FAM135A: variants seen among roughly 807,000 people sequenced by gnomAD.
FAM135A encodes the protein family with sequence similarity 135 member A.
Under a neutral mutation model 146.8 loss-of-function variants are expected in FAM135A, and 79 were observed. That is an observed-to-expected ratio of 0.54 (90% CI 0.45 to 0.65). The LOEUF (loss-of-function observed/expected upper bound fraction) is 0.65, where lower values mean the gene tolerates loss of function less well. Among genes scored for constraint, FAM135A ranks in the 30% least tolerant of loss-of-function variants. The pLI is 0.00. For synonymous variants in FAM135A, 562 were observed against 603.6 expected (o/e 0.93, Z 1.01); for missense variants, 1,623 against 1,758.2 (o/e 0.92, Z 1.38).
intron 7 of FAM135A, among the ~76,000 whole-genome samples, chr6:70,476,300 T>G (rs1353366154): frequency 1.3e-5 from 2 of 152,168 alleles, no homozygotes; most frequent in African/African-American, 2.4e-5. Flanking sequence ...CACTTAACAA[T>G]TGTATTTATG....
At chr6:70,468,810 G>A (rs762194923) in intron 5 of FAM135A, among the ~76,000 whole-genome samples, 7 of 152,140 alleles carry the variant, frequency 4.6e-5, no homozygotes, top group East Asian at 3.9e-4. Flanking sequence ...GCCTATGCTC[G>A]TATATTCATG....
intron 4 of FAM135A, among the ~76,000 whole-genome samples, chr6:70,436,131 C>A (rs558231162): frequency 6.6e-6 from 1 of 150,682 alleles, no homozygotes; most frequent in Admixed American, 6.6e-5. Context: ...TTGCAGTGAG[C>A]TGAGATCGTG....
intron 4 of FAM135A, among the ~76,000 whole-genome samples, chr6:70,444,192 C>T (rs529568858): frequency 3.3e-5 from 5 of 152,190 alleles, no homozygotes; most frequent in Middle Eastern, 3.4e-3. Flanking sequence ...CACTTCAGAT[C>T]GGGAGTTTGA....
At chr6:70,434,856 T>C (rs540045591) in intron 4 of FAM135A, among the ~76,000 whole-genome samples, 9 of 150,480 alleles carry the variant, frequency 6.0e-5, no homozygotes. Flanking sequence ...GAAAATATTG[T>C]TGGAGTCAGA....
Position 70,427,533 on chromosome 6 carries a change from C to CGA in FAM135A, c.-39-771_-39-770insGA, listed in dbSNP as rs1207105618. Among the ~76,000 whole-genome samples the CGA allele has an allele frequency of 4.1e-4, 35 of 85,544 alleles. No homozygotes were observed. The Admixed American group carries it at 4.3e-3, about 10-fold the overall frequency. The allele number at this position is 85,544 out of a possible 152,430, so 56.1% of individuals were successfully genotyped here. Reference sequence around the variant, plus strand: ...GGTGACAGAGCGAGACTCTGTCTCACAAAAAAAAAAAAAAAAAATTAATAT... The same window carrying CGA: ...GGTGACAGAGCGAGACTCTGTCTCACGAAAAAAAAAAAAAAAAAAATTAATAT... On this transcript the variant is annotated intron_variant, in intron 3 of 21. Transcript: ENST00000418814.
chr6:70,511,074 T>C (rs571385715), intron 12 of FAM135A, among the ~76,000 whole-genome samples: 16 of 152,190 alleles, frequency 1.1e-4, no homozygotes, highest in African/African-American at 3.4e-4. Context: ...ACCATTTGTG[T>C]ATCTCCTTTG....
chr6:70,488,390 A>G (rs915123878), intron 10 of FAM135A, among the ~76,000 whole-genome samples: 4 of 151,938 alleles, frequency 2.6e-5, no homozygotes, highest in Non-Finnish European at 5.9e-5. Context: ...CAAAACTCAT[A>G]TGTGTATATG....
Position 70,432,571 on chromosome 6 carries a change from C to T in FAM135A, c.77+4152C>T, listed in dbSNP as rs144634933. On this transcript the variant is annotated intron_variant, in intron 4 of 21. Coordinates refer to ENST00000418814, the MANE Select transcript of FAM135A (RefSeq NM_001162529.3). ...GACATCCTTACTTCTTTATAGCCCC[C>T]TACCTAAGGTGATCCTTTAAATTGT... Among the ~76,000 whole-genome samples the T allele has an allele frequency of 3.0e-3, 464 of 152,266 alleles. 1 individual carries two copies. The highest frequency in any genetic ancestry group is 0.01 in the African/African-American group (418 of 41,564).
At chr6:70,481,296 C>T (rs1300314379) in intron 9 of FAM135A, among the ~76,000 whole-genome samples, 1 of 152,152 alleles carries the variant, frequency 6.6e-6, no homozygotes, top group African/African-American at 2.4e-5. Context: ...GGTCCAACAA[C>T]TGGTAGAATC....
chr6:70,476,598 A>AT (rs1389253570), intron 7 of FAM135A, among the ~76,000 whole-genome samples: 1 of 152,002 alleles, frequency 6.6e-6, no homozygotes, highest in Non-Finnish European at 1.5e-5. Flanking sequence ...GATGGATGGA[A>AT]TTTTTTTAAG....
At chr6:70,483,008 G>A (rs1784020040) in intron 10 of FAM135A, among the ~76,000 whole-genome samples, 1 of 151,868 alleles carries the variant, frequency 6.6e-6, no homozygotes, top group Admixed American at 6.6e-5. Flanking sequence ...TGTTCCTCAA[G>A]GATTTCAGTC....
At chr6:70,545,665 TAATACTAA>T (rs1798724668) in intron 20 of FAM135A, among the ~76,000 whole-genome samples, 1 of 152,166 alleles carries the variant, frequency 6.6e-6, no homozygotes, top group Non-Finnish European at 1.5e-5. Context: ...ATGCATTGGT[TAATACTAA>T]AATACTGGAA....
chr6:70,481,756 A>G (rs1049033239), intron 9 of FAM135A, among the ~76,000 whole-genome samples: 2 of 152,170 alleles, frequency 1.3e-5, no homozygotes, highest in African/African-American at 2.4e-5. Flanking sequence ...TATAAATACC[A>G]TGCTATCAAA....
At chr6:70,552,160 A>G (rs1799933807) in intron 20 of FAM135A, among the ~76,000 whole-genome samples, 1 of 152,234 alleles carries the variant, frequency 6.6e-6, no homozygotes, top group Non-Finnish European at 1.5e-5. Flanking sequence ...GGAGTTGTAA[A>G]CAATACTAAC....
chr6:70,488,975 T>G (rs1032393749), intron 10 of FAM135A, among the ~76,000 whole-genome samples: 5 of 152,314 alleles, frequency 3.3e-5, no homozygotes, highest in Non-Finnish European at 7.4e-5. Context: ...TAGAGTTAAA[T>G]TATGCTTTTA....
chr6:70,478,901 G>T (rs1208680818), intron 8 of FAM135A, among the ~76,000 whole-genome samples: 2 of 151,854 alleles, frequency 1.3e-5, no homozygotes, highest in Non-Finnish European at 2.9e-5. Context: ...TAGAATGTGT[G>T]AATGAAACTT....
intron 5 of FAM135A, among the ~76,000 whole-genome samples, chr6:70,461,692 A>C (rs553935317): frequency 1.3e-5 from 2 of 152,312 alleles, no homozygotes; most frequent in African/African-American, 4.8e-5. Context: ...CCCTAAATTT[A>C]TATAATACCT....
Position 70,524,451 on chromosome 6 carries a change from A to T in FAM135A, c.1367A>T (p.Glu456Val), listed in dbSNP as rs1229151707. 1 of 1,549,820 alleles carries T rather than the reference A, an allele frequency of 6.5e-7. No homozygotes were observed. The highest frequency in any genetic ancestry group is 2.0e-5 in the Admixed American group (1 of 50,604). ...TCTGTAGCAGGACTTTCTAGCCCAG[A>T]GTTGAAAGTCAGACCTGCTGGTGCC... ...ESSVAGLSSPELKVRPAGASS... is the reference protein window; with the variant it reads ...ESSVAGLSSPVLKVRPAGASS... Residue 456 changes from glutamate to valine, a missense_variant, in exon 15 of 22, where the codon GAG becomes GTG. Coordinates refer to ENST00000418814, the MANE Select transcript of FAM135A (RefSeq NM_001162529.3).
intron 18 of FAM135A, among the ~76,000 whole-genome samples, 191 bp downstream of exon 18, chr6:70,534,045 G>A (rs1796321474): frequency 6.6e-6 from 1 of 152,088 alleles, no homozygotes; most frequent in Non-Finnish European, 1.5e-5. Context: ...TATCTGTAGA[G>A]AAGAAAATAG....
Sources: gnomAD v4.1 joint callset for allele counts (sites outside exome capture counted in the v4.1 genomes callset) on GRCh38, gnomAD v4.1.1 for gene constraint, MANE v1.5 for transcripts, NCBI Gene and HGNC (gene_info 2026-07-23, HGNC 2026-07-21) for gene names.